Variants in GRM8 observed in about 807,000 individuals in gnomAD.
The protein encoded by GRM8 is metabotropic glutamate receptor 8.
GRM8 carries 47 observed loss-of-function variants against 87.2 expected under a neutral mutation model. The ratio of observed to expected loss-of-function variants is 0.54; its 90% CI spans 0.43 to 0.69. GRM8 has a LOEUF of 0.69. Ranked by LOEUF, GRM8 falls within the 30% of genes least tolerant of loss-of-function variation. The pLI, the probability that GRM8 is intolerant of heterozygous loss-of-function variation, is 0.00. For synonymous variants in GRM8, 396 were observed against 404.5 expected (o/e 0.98, Z 0.25); for missense variants, 1,019 against 1,139.2 (o/e 0.89, Z 1.52).
At chr7:126,585,277 C>T (rs1320695556) in intron 8 of GRM8, among the ~76,000 whole-genome samples, 1 of 152,114 alleles carries the variant, frequency 6.6e-6, no homozygotes, top group Non-Finnish European at 1.5e-5. Context: ...TGAGGCACTA[C>T]ATATTAAACA....
intron 3 of GRM8, among the ~76,000 whole-genome samples, chr7:127,099,329 A>G (rs189882649): frequency 5.0e-4 from 76 of 152,296 alleles, no homozygotes; most frequent in African/African-American, 1.7e-3. Flanking sequence ...CAAAAGACCA[A>G]AAGGGGAAAT....
intron 3 of GRM8, among the ~76,000 whole-genome samples, chr7:126,947,028 T>A (rs1297229887): frequency 6.6e-6 from 1 of 152,206 alleles, no homozygotes. Flanking sequence ...TCATCTTCCA[T>A]GAAGCTGGAG....
At chr7:126,504,457 T>C (rs1286733502) in intron 9 of GRM8, among the ~76,000 whole-genome samples, 2 of 152,042 alleles carry the variant, frequency 1.3e-5, no homozygotes, top group Non-Finnish European at 2.9e-5. Context: ...GTATGTATGG[T>C]GCCAGTGTAC....
chr7:126,535,231 A>G (rs574169737), intron 8 of GRM8, among the ~76,000 whole-genome samples: 44 of 152,288 alleles, frequency 2.9e-4, no homozygotes, highest in African/African-American at 9.4e-4. Context: ...GTCTGTGTAA[A>G]CAATAGTATA....
intron 9 of GRM8, among the ~76,000 whole-genome samples, chr7:126,528,783 A>G (rs1462949769): frequency 6.6e-6 from 1 of 151,974 alleles, no homozygotes; most frequent in Non-Finnish European, 1.5e-5. Flanking sequence ...TGGAATTTGT[A>G]TTGTCCAGGG....
At chr7:127,117,869 C>G (rs1826794017) in intron 2 of GRM8, among the ~76,000 whole-genome samples, 3 of 152,216 alleles carry the variant, frequency 2.0e-5, no homozygotes, top group African/African-American at 7.2e-5. Flanking sequence ...TTATAACTAA[C>G]AAATTGAAGT....
chr7:127,220,854 G>T (rs1295659604), intron 2 of GRM8, among the ~76,000 whole-genome samples: 3 of 152,166 alleles, frequency 2.0e-5, no homozygotes, highest in African/African-American at 7.2e-5. Flanking sequence ...AGGCAAGCTT[G>T]GCTCCTCCCA....
chr7:126,749,028 C>T (rs925586189), intron 7 of GRM8, among the ~76,000 whole-genome samples: 16 of 152,120 alleles, frequency 1.1e-4, no homozygotes, highest in African/African-American at 3.4e-4. Flanking sequence ...AATCCCAGTA[C>T]TTTGGGAGGC....
intron 3 of GRM8, among the ~76,000 whole-genome samples, chr7:127,063,888 G>A (rs994605704): frequency 6.6e-6 from 1 of 152,154 alleles, no homozygotes; most frequent in East Asian, 1.9e-4. Flanking sequence ...TTACCCAAAA[G>A]TCATTCAGGA....
intron 7 of GRM8, among the ~76,000 whole-genome samples, chr7:126,611,775 T>C (rs1211474175): frequency 1.3e-5 from 2 of 152,200 alleles, no homozygotes; most frequent in South Asian, 4.1e-4. Flanking sequence ...ACCATGAATA[T>C]ACCCTAAGTT....
chr7:127,165,193 T>TATATATATATATATA (rs1793378570), intron 2 of GRM8, among the ~76,000 whole-genome samples: 1 of 109,400 alleles, frequency 9.1e-6, no homozygotes, highest in African/African-American at 3.5e-5. Flanking sequence ...TATATATATA[T>TATATATATATATATA]TCAGGTTTCA....
At chr7:127,141,915 G>T (rs1828292588) in intron 2 of GRM8, among the ~76,000 whole-genome samples, 1 of 152,076 alleles carries the variant, frequency 6.6e-6, no homozygotes, top group African/African-American at 2.4e-5. Flanking sequence ...CTGGAGTGCA[G>T]CAAATGCTTT....
At chr7:126,536,437 T>C (rs780787529) in intron 8 of GRM8, among the ~76,000 whole-genome samples, 9 of 152,178 alleles carry the variant, frequency 5.9e-5, no homozygotes, top group African/African-American at 1.4e-4. Context: ...CTTGAGAAAG[T>C]AGATGCTACT....
In GRM8 at chr7:127,001,337, T is replaced by C. The variant is rs567274143; in HGVS notation, c.728-96654A>G. Among the ~76,000 whole-genome samples, 71 of 151,708 alleles carry C rather than the reference T, an allele frequency of 4.7e-4. 1 individual carries two copies. Among genetic ancestry groups the C allele is most frequent in the Admixed American group, 4.4e-3 (66 of 15,170 alleles). On this transcript the variant is annotated intron_variant, in intron 3 of 10. Transcript: ENST00000339582. ...AAAAACCCAAAAGTGATAAATTATA[T>C]CAATTCGTTAATATAGAAATATAGA... is the stretch of plus-strand genomic sequence containing the variant.
intron 3 of GRM8, among the ~76,000 whole-genome samples, chr7:127,103,091 C>A (rs1429736108): frequency 6.6e-6 from 1 of 152,206 alleles, no homozygotes; most frequent in Non-Finnish European, 1.5e-5. Flanking sequence ...TCAAACTCCA[C>A]CTCAGCCCCC....
At chr7:126,851,988 A>G (rs1264829405) in intron 6 of GRM8, among the ~76,000 whole-genome samples, 1 of 152,150 alleles carries the variant, frequency 6.6e-6, no homozygotes, top group Admixed American at 6.5e-5. Context: ...GCCATGCCAG[A>G]GAGAGTAGAT....
At chr7:126,643,119 G>A (rs1465384978) in intron 7 of GRM8, among the ~76,000 whole-genome samples, 3 of 150,524 alleles carry the variant, frequency 2.0e-5, no homozygotes, top group Non-Finnish European at 3.0e-5. Context: ...GGCAAGACCC[G>A]TCTCTACCAA....
At chr7:127,006,554 TC>T (rs1814328940) in intron 3 of GRM8, among the ~76,000 whole-genome samples, 3 of 152,032 alleles carry the variant, frequency 2.0e-5, no homozygotes, top group African/African-American at 7.2e-5. Context: ...ACAACCTCTA[TC>T]TTGCCATATT....
chr7:127,181,229 C>T (rs11764958), intron 2 of GRM8, among the ~76,000 whole-genome samples: 101,802 of 151,792 alleles, frequency 0.67, 35,130 homozygotes, highest in African/African-American at 0.76. Context: ...AATCAAGAAC[C>T]CAACCCCTTT....
Sources: gnomAD v4.1 joint callset for allele counts (sites outside exome capture counted in the v4.1 genomes callset) on GRCh38, gnomAD v4.1.1 for gene constraint, MANE v1.5 for transcripts, NCBI Gene and HGNC (gene_info 2026-07-23, HGNC 2026-07-21) for gene names.